Variants in CYP4X1 observed in about 807,000 individuals in gnomAD.
CYP4X1 encodes cytochrome P450 family 4 subfamily X member 1, also known as cytochrome P450 4X1.
In CYP4X1, 44 loss-of-function variants were observed where a neutral mutation model predicts 57.9. The observed-to-expected ratio is 0.76, with a 90% CI of 0.60 to 0.98. The LOEUF (loss-of-function observed/expected upper bound fraction) is 0.98, where lower values mean the gene tolerates loss of function less well. Among genes scored for constraint, CYP4X1 ranks in the 50% least tolerant of loss-of-function variants. The pLI, the probability that CYP4X1 is intolerant of heterozygous loss-of-function variation, is 0.00. For missense variants in CYP4X1, 532 were observed against 623.9 expected (o/e 0.85, Z 1.57); for synonymous variants, 227 against 228.6 (o/e 0.99, Z 0.06).
At chr1:46,990,025 C>A in the CYP4X1 span, among the ~76,000 whole-genome samples, 98 of 152,228 alleles carry the variant, frequency 6.4e-4, no homozygotes, top group Non-Finnish European at 1.1e-3. Context: ...AAAGCAATGG[C>A]AACAAAAGCC....
the CYP4X1 span, among the ~76,000 whole-genome samples, chr1:46,997,144 A>G: frequency 2.6e-5 from 4 of 152,178 alleles, no homozygotes; most frequent in African/African-American, 9.6e-5. Flanking sequence ...TAGCCCATGC[A>G]GAAGTATTTT....
At chr1:47,044,437 C>A (rs775885848) in intron 8 of CYP4X1, among the ~76,000 whole-genome samples, 53 of 152,166 alleles carry the variant, frequency 3.5e-4, no homozygotes, top group South Asian at 4.2e-4. Flanking sequence ...AGATGTGTCC[C>A]CTTATTGTGT....
At chr1:46,972,578 T>C in the CYP4X1 span, among the ~76,000 whole-genome samples, 1 of 152,178 alleles carries the variant, frequency 6.6e-6, no homozygotes. Flanking sequence ...GCTTGGAATG[T>C]TTTCCTATTT....
the CYP4X1 span, among the ~76,000 whole-genome samples, chr1:46,972,283 G>A: frequency 2.6e-5 from 4 of 152,114 alleles, no homozygotes; most frequent in Non-Finnish European, 5.9e-5. Context: ...TATCTATTCT[G>A]TTCCATTGGT....
At chr1:46,970,722 C>T in the CYP4X1 span, among the ~76,000 whole-genome samples, 5 of 152,130 alleles carry the variant, frequency 3.3e-5, no homozygotes, top group African/African-American at 1.2e-4. Flanking sequence ...TCTTGTGGCA[C>T]CTGCAGAAGG....
chr1:47,043,517 G>C (rs1358335174), intron 8 of CYP4X1, among the ~76,000 whole-genome samples: 1 of 151,844 alleles, frequency 6.6e-6, no homozygotes, highest in African/African-American at 2.4e-5. Context: ...TTTTGTTTTG[G>C]CTTGGTTTTG....
At chr1:47,036,308 A>C in intron 6 of CYP4X1, 137 bp downstream of exon 6, 1 of 1,091,594 alleles carries the variant, frequency 9.2e-7, no homozygotes, top group Non-Finnish European at 1.2e-6. Flanking sequence ...ACTGCTCCAA[A>C]GAAATTTGAC....
At chr1:46,996,872 T>C in the CYP4X1 span, among the ~76,000 whole-genome samples, 2 of 152,192 alleles carry the variant, frequency 1.3e-5, no homozygotes, top group Non-Finnish European at 2.9e-5. Flanking sequence ...TACATCACCA[T>C]CCTGAAGAGA....
the CYP4X1 span, among the ~76,000 whole-genome samples, chr1:47,018,284 C>G: frequency 6.6e-6 from 1 of 152,142 alleles, no homozygotes; most frequent in Non-Finnish European, 1.5e-5. Flanking sequence ...TATGGACCTT[C>G]TATAAAACTC....
chr1:47,039,710 GAA>G (rs3073870), intron 8 of CYP4X1, 178 bp downstream of exon 8: 39,020 of 350,622 alleles, frequency 0.11, 1,247 homozygotes, highest in East Asian at 0.31. Context: ...TGTCTTTCAG[GAA>G]AAAAAAAAAA....
At chr1:46,999,450 A>G in the CYP4X1 span, among the ~76,000 whole-genome samples, 1 of 151,122 alleles carries the variant, frequency 6.6e-6, no homozygotes, top group Non-Finnish European at 1.5e-5. Flanking sequence ...TCTTATTTCA[A>G]TCTCCTCTCT....
At chr1:47,033,493 G>A (rs1337080450) in intron 4 of CYP4X1, 125 bp downstream of exon 4, 12 of 1,242,650 alleles carry the variant, frequency 9.7e-6, no homozygotes, top group East Asian at 5.0e-5. Flanking sequence ...CAATGTACAC[G>A]TACTTATTGA....
At chr1:46,994,471 A>T in the CYP4X1 span, 26 of 158,180 alleles carry the variant, frequency 1.6e-4, no homozygotes, top group Non-Finnish European at 3.3e-4. Flanking sequence ...ACCATCTGGG[A>T]GTCTGTTGGG....
the CYP4X1 span, among the ~76,000 whole-genome samples, chr1:46,978,638 A>G: frequency 6.6e-6 from 1 of 152,152 alleles, no homozygotes; most frequent in African/African-American, 2.4e-5. Context: ...ATAGACATCT[A>G]CAGAACTCTC....
At chr1:47,025,713 CT>C (rs1398366476) in intron 1 of CYP4X1, among the ~76,000 whole-genome samples, 1 of 152,124 alleles carries the variant, frequency 6.6e-6, no homozygotes, top group Non-Finnish European at 1.5e-5. Context: ...TCCAAATCCT[CT>C]AATAGATCTG....
the CYP4X1 span, among the ~76,000 whole-genome samples, chr1:46,962,939 T>C: frequency 6.6e-6 from 1 of 152,380 alleles, no homozygotes. Context: ...GGTGCTCCTA[T>C]ATTGGGTGCA....
intron 8 of CYP4X1, among the ~76,000 whole-genome samples, chr1:47,041,551 T>A (rs1644246946): frequency 6.6e-6 from 1 of 152,210 alleles, no homozygotes; most frequent in Admixed American, 6.5e-5. Flanking sequence ...GAGCATTGTT[T>A]TAAATACCTG....
intron 2 of CYP4X1, 132 bp downstream of exon 2, chr1:47,030,263 C>G (rs1348674883): frequency 1.7e-6 from 2 of 1,155,352 alleles, no homozygotes; most frequent in African/African-American, 3.1e-5. Context: ...GGGGAGGTGA[C>G]AGGTTTCCTA....
the CYP4X1 span, among the ~76,000 whole-genome samples, chr1:47,007,095 G>A: frequency 5.3e-5 from 8 of 152,334 alleles, no homozygotes; most frequent in Admixed American, 1.3e-4. Context: ...CTCCCAGCAC[G>A]CAGCTGGAGA....
Sources: allele counts gnomAD v4.1 joint callset (sites outside exome capture counted in the v4.1 genomes callset), GRCh38; gene constraint gnomAD v4.1.1; transcripts MANE v1.5; gene names NCBI Gene and HGNC (gene_info 2026-07-23, HGNC 2026-07-21).